BRDT: variants seen among roughly 807,000 people sequenced by gnomAD.
BRDT encodes bromodomain testis-specific protein.
BRDT carries 77 observed loss-of-function variants against 113.9 expected under a neutral mutation model. That is an observed-to-expected ratio of 0.68 (90% CI 0.56 to 0.82). BRDT has a LOEUF of 0.82. Among genes scored for constraint, BRDT ranks in the 40% least tolerant of loss-of-function variants. The probability of loss-of-function intolerance (pLI) is 0.00; values close to 1 mark genes in which losing one functional copy is unlikely to be tolerated. For missense variants in BRDT, 1,027 were observed against 1,105.4 expected (o/e 0.93, Z 1.01); for synonymous variants, 358 against 366.5 (o/e 0.98, Z 0.26).
chr1:91,982,256 T>G (rs1401859678), intron 12 of BRDT, among the ~76,000 whole-genome samples: 1 of 152,208 alleles, frequency 6.6e-6, no homozygotes, highest in Non-Finnish European at 1.5e-5. Context: ...ACTTCTTTGG[T>G]TTCTTCACTG....
intron 18 of BRDT, among the ~76,000 whole-genome samples, chr1:92,007,513 T>A (rs1361458217): frequency 6.6e-6 from 1 of 152,220 alleles, no homozygotes; most frequent in Non-Finnish European, 1.5e-5. Context: ...CCTGCATTTG[T>A]TTGCTGAGGA....
In BRDT at chr1:91,991,125, A is replaced by G. The variant is rs986436365; in HGVS notation, c.2003-59A>G. On this transcript the variant is annotated intron_variant, in intron 12 of 18. Transcript: ENST00000399546. Reference sequence around the variant, plus strand: ...ACTGTGTTTCTAATATGGAAAAATTATAACTTGGTATTTTTTAAGCTAATA... The same window carrying G: ...ACTGTGTTTCTAATATGGAAAAATTGTAACTTGGTATTTTTTAAGCTAATA... 12 of 1,137,320 alleles carry G rather than the reference A, an allele frequency of 1.1e-5. No individual in the cohort carries two copies. In the African/African-American group the frequency reaches 1.4e-4, roughly 14 times the overall value. 70.5% of individuals were successfully genotyped at this position (1,137,320 alleles called of 1,614,324 possible). A position where few individuals can be genotyped will look rare whatever the true frequency, so the allele number is the denominator to read the frequency against.
rs376346439 is a variant in BRDT at position 91,975,554 on chromosome 1, A to T, written c.446-712A>T. On this transcript the variant is annotated intron_variant, in intron 4 of 18. Transcript: ENST00000399546. ...GGCCAGAGTGAATGCCACTTGTGAGAAGTGTTTGAAGTCTAGATAGGAAGA... is the reference window on the plus strand; with the variant it reads ...GGCCAGAGTGAATGCCACTTGTGAGTAGTGTTTGAAGTCTAGATAGGAAGA... Among the ~76,000 whole-genome samples the T allele has an allele frequency of 1.5e-4, 23 of 152,282 alleles. No homozygotes were observed. The East Asian group carries it at 4.4e-3, about 29-fold the overall frequency.
intron 13 of BRDT, among the ~76,000 whole-genome samples, chr1:91,991,944 A>T (rs1030904298): frequency 1.5e-5 from 2 of 133,614 alleles, no homozygotes; most frequent in East Asian, 5.3e-4. Context: ...GTGAGCCGAG[A>T]TTGTGCCACT....
chr1:92,005,350 CAG>C (rs774020898), intron 18 of BRDT, 51 bp downstream of exon 18: 1 of 1,429,244 alleles, frequency 7.0e-7, no homozygotes, highest in Non-Finnish European at 9.2e-7. Context: ...AAAGATTTAA[CAG>C]AGCACTGTCT....
intron 1 of BRDT, among the ~76,000 whole-genome samples, chr1:91,951,450 A>G (rs1681064683): frequency 6.6e-6 from 1 of 152,056 alleles, no homozygotes; most frequent in South Asian, 2.1e-4. Context: ...TGAGATTGGC[A>G]TAAGGCGGGG....
At chr1:91,973,389 C>T (rs1038330015) in intron 4 of BRDT, among the ~76,000 whole-genome samples, 1 of 151,968 alleles carries the variant, frequency 6.6e-6, no homozygotes, top group African/African-American at 2.4e-5. Flanking sequence ...GCCATTTTCA[C>T]GATATTGATT....
intron 2 of BRDT, 92 bp from the exon 3 acceptor site, chr1:91,964,535 T>A: frequency 1.3e-6 from 1 of 768,680 alleles, no homozygotes. Context: ...CTCTCTCTAG[T>A]TGCAGGTGTA....
chr1:91,954,713 T>C (rs949866575), intron 1 of BRDT, among the ~76,000 whole-genome samples: 2 of 152,192 alleles, frequency 1.3e-5, no homozygotes, highest in African/African-American at 4.8e-5. Flanking sequence ...CCCAGCACTT[T>C]GGGAGGCTGA....
At chr1:91,969,147 A>T (rs1000345821) in intron 4 of BRDT, among the ~76,000 whole-genome samples, 4 of 151,752 alleles carry the variant, frequency 2.6e-5, no homozygotes, top group Non-Finnish European at 5.9e-5. Flanking sequence ...TCACCATGTT[A>T]GCCAGGATGG....
chr1:91,951,816 G>C (rs538517605), intron 1 of BRDT, among the ~76,000 whole-genome samples: 1 of 151,432 alleles, frequency 6.6e-6, no homozygotes, highest in Admixed American at 6.6e-5. Context: ...CAGCACTTTG[G>C]CAAGTTGAGT....
intron 15 of BRDT, among the ~76,000 whole-genome samples, chr1:92,000,234 T>C (rs969194345): frequency 1.3e-5 from 2 of 152,198 alleles, no homozygotes; most frequent in South Asian, 4.1e-4. Flanking sequence ...CTATCACCAC[T>C]TACCAACTTA....
Position 92,005,544 on chromosome 1 carries a change from G to A in BRDT, c.2775+245G>A, listed in dbSNP as rs1278489046. 2.0e-5 allele frequency among the ~76,000 whole-genome samples: 3 copies of A among 152,106 alleles called. No homozygotes were observed. In the East Asian group the frequency reaches 5.8e-4, roughly 29 times the overall value. On this transcript the variant is annotated intron_variant, in intron 18 of 18. Coordinates refer to ENST00000399546, the MANE Select transcript of BRDT (RefSeq NM_207189.4). ...CTACCTGAGTTAAAATGATGATTTT[G>A]GAGGCGGGAGGATCTTTTGAGGCCA...
At position 91,969,112 on chromosome 1, in the gene BRDT, A is replaced by AT. The variant is rs955932341; in HGVS notation, c.445+861dup. On this transcript the variant is annotated intron_variant, in intron 4 of 18. Transcript: ENST00000399546. The stretch of plus-strand genomic sequence containing the variant: ...CCACCACGCCCTGCTAATTTTTTGT[A>AT]TTTTTTTTTAGTAGAGTCGGGGTTT... Among the ~76,000 whole-genome samples, 90 of 149,394 alleles carry AT rather than the reference A, an allele frequency of 6.0e-4. No homozygotes were observed. In the East Asian group the frequency reaches 9.2e-3, roughly 15 times the overall value.
At chr1:91,976,526 C>A in intron 5 of BRDT, 88 bp downstream of exon 5, 3 of 1,265,310 alleles carry the variant, frequency 2.4e-6, no homozygotes, top group Non-Finnish European at 3.2e-6. Context: ...CAGCGTCTAG[C>A]AATTTTTCTT....
chr1:92,010,764 C>T (rs573904043), intron 18 of BRDT, among the ~76,000 whole-genome samples: 1 of 152,116 alleles, frequency 6.6e-6, no homozygotes, highest in African/African-American at 2.4e-5. Flanking sequence ...TTTTTTATCT[C>T]TATTAAACTG....
chr1:91,980,504 T>A, intron 8 of BRDT, 139 bp from the exon 9 acceptor site: 2 of 736,088 alleles, frequency 2.7e-6, no homozygotes, highest in Non-Finnish European at 3.9e-6. Context: ...TTTGTGAAAT[T>A]AAATAAAAAC....
intron 7 of BRDT, 71 bp downstream of exon 7, chr1:91,978,367 T>C (rs1484073017): frequency 1.9e-6 from 3 of 1,550,534 alleles, no homozygotes; most frequent in South Asian, 1.2e-5. Context: ...AGAACCATAA[T>C]GTAAGAGATA....
chr1:91,953,512 T>G (rs1440676712), intron 1 of BRDT, among the ~76,000 whole-genome samples: 1 of 152,030 alleles, frequency 6.6e-6, no homozygotes, highest in African/African-American at 2.4e-5. Context: ...AAACCCCGTC[T>G]CTACTAAAAA....
Sources: gnomAD v4.1 joint callset for allele counts (sites outside exome capture counted in the v4.1 genomes callset) on GRCh38, gnomAD v4.1.1 for gene constraint, MANE v1.5 for transcripts, NCBI Gene and HGNC (gene_info 2026-07-23, HGNC 2026-07-21) for gene names.